The following SMTNL2 variants were observed in gnomAD, a reference collection of about 807,000 sequenced individuals.
SMTNL2 encodes smoothelin-like protein 2.
In SMTNL2, 43 loss-of-function variants were observed where a neutral mutation model predicts 44.1. That is an observed-to-expected ratio of 0.98 (90% confidence interval 0.76 to 1.26). The LOEUF (loss-of-function observed/expected upper bound fraction) is 1.26. Ranked by LOEUF, SMTNL2 falls within the 50% of genes most tolerant of loss-of-function variation. The pLI is 0.00. For synonymous variants in SMTNL2, 317 were observed against 287.6 expected (o/e 1.10, Z -1.03); for missense variants, 646 against 670.2 (o/e 0.96, Z 0.40).
intron 7 of SMTNL2, among the ~76,000 whole-genome samples, chr17:4,599,093 G>A (rs1397597331): frequency 6.6e-6 from 1 of 152,222 alleles, no homozygotes; most frequent in African/African-American, 2.4e-5. Context: ...CTCTCTCCGA[G>A]GGCAGAATCG....
intron 7 of SMTNL2, 114 bp downstream of exon 7, chr17:4,597,437 G>T: frequency 7.0e-7 from 1 of 1,431,804 alleles, no homozygotes. Flanking sequence ...CTGCAAAGCT[G>T]AAGGACCCTG....
At chr17:4,605,624 G>A (rs59832416) in intron 7 of SMTNL2, among the ~76,000 whole-genome samples, 87,302 of 151,908 alleles carry the variant, frequency 0.57, 26,637 homozygotes, top group African/African-American at 0.77. Context: ...TATATAGCTC[G>A]GAAGAGATGG....
rs1910337051 is a variant in SMTNL2, at chr17:4,607,677, TC to T, written c.*192del. Reference sequence around the variant, plus strand: ...GATTAAAAGTACTGCTGAGCTGTGGTCCGACAGCACTGATCACAGCCAAGGG... The same window carrying T: ...GATTAAAAGTACTGCTGAGCTGTGGTCGACAGCACTGATCACAGCCAAGGG... On this transcript the variant is annotated 3_prime_UTR_variant, in exon 8 of 8. Transcript: ENST00000389313. The surrounding 1 kb of genome is among the most constrained non-coding windows in gnomAD (Gnocchi z 4.7). 1.1e-6 allele frequency: 1 copy of T among 908,602 alleles called. No homozygotes were observed. The highest frequency in any genetic ancestry group is 3.1e-5 in the Admixed American group (1 of 32,650). The allele number at this position is 908,602 out of a possible 1,614,324, so 56.3% of individuals were successfully genotyped here.
At chr17:4,601,360 A>G (rs527907412) in intron 7 of SMTNL2, among the ~76,000 whole-genome samples, 1 of 152,236 alleles carries the variant, frequency 6.6e-6, no homozygotes, top group East Asian at 1.9e-4. Flanking sequence ...GATTGCAGTG[A>G]ACCCAGATGG....
Position 4,592,998 on chromosome 17 carries a change from T to C in SMTNL2, c.557T>C (p.Val186Ala). Reference protein sequence around the residue: ...SAPDPPRPRPVSLSLRLPHQP... With the variant: ...SAPDPPRPRPASLSLRLPHQP... ...CCAGATCCCCCCAGGCCTCGTCCTG[T>C]GAGCCTCTCCTTGCGGCTGCCCCAC... is the stretch of plus-strand genomic sequence containing the variant. The change falls in exon 3 of 8, where the codon GTG becomes GCG. Residue 186 changes from valine (V) to alanine (A), a missense_variant. Val to Ala is a moderately conservative substitution (Grantham distance 64, BLOSUM62 0). Coordinates refer to ENST00000389313, the MANE Select transcript of SMTNL2 (RefSeq NM_001114974.2). The surrounding 1 kb of genome is among the most constrained non-coding windows in gnomAD (Gnocchi z 4.5). 1.2e-6 allele frequency: 2 copies of C among 1,614,008 alleles called. No homozygotes were observed. Among genetic ancestry groups the C allele is most frequent in the Non-Finnish European group, 1.7e-6 (2 of 1,179,984 alleles).
At chr17:4,605,771 C>T (rs370189814) in intron 7 of SMTNL2, among the ~76,000 whole-genome samples, 253 of 152,252 alleles carry the variant, frequency 1.7e-3, no homozygotes, top group African/African-American at 5.5e-3. Flanking sequence ...ATCGTTTTTG[C>T]CTTTTTGGTT....
chr17:4,605,934 G>A (rs1910256182), intron 7 of SMTNL2, among the ~76,000 whole-genome samples: 1 of 152,172 alleles, frequency 6.6e-6, no homozygotes, highest in African/African-American at 2.4e-5. Context: ...GCAGGGCGAT[G>A]CGTCTTGACT....
rs959323990 is a variant in SMTNL2 at position 4,595,747 on chromosome 17, T to A, written c.989+420T>A. On this transcript the variant is annotated intron_variant, in intron 5 of 7. Coordinates refer to ENST00000389313, the MANE Select transcript of SMTNL2 (RefSeq NM_001114974.2). This position sits in a 1 kb window ranked among gnomAD's most constrained non-coding sequence, Gnocchi z 5.1. ...GCTGGGAGCCCCAGCATGGGGTTGG[T>A]CTTGCCCAAGGACCGAAGGTGATGC... Among the ~76,000 whole-genome samples, 4 of 152,212 alleles carry A rather than the reference T, an allele frequency of 2.6e-5. No homozygotes were observed. Among genetic ancestry groups the A allele is most frequent in the Non-Finnish European group, 2.9e-5 (2 of 68,036 alleles).
rs1257362430 is a variant in SMTNL2 at position 4,600,997 on chromosome 17, C to T, written c.1259+3674C>T. Among the ~76,000 whole-genome samples, 1 of 152,220 alleles carries T rather than the reference C, an allele frequency of 6.6e-6. No homozygotes were observed. Among genetic ancestry groups the T allele is most frequent in the Non-Finnish European group, 1.5e-5 (1 of 68,038 alleles). ...AACCCCCAAGCCCATCCTCCAGCTC[C>T]CTTACAGGACAGCCCTGTGGTAGCT... On this transcript the variant is annotated intron_variant, in intron 7 of 7. Transcript: ENST00000389313. The surrounding 1 kb of genome is among the most constrained non-coding windows in gnomAD (Gnocchi z 4.7).
Position 4,607,264 on chromosome 17 carries a change from T to G in SMTNL2, c.1260-97T>G. The G allele has an allele frequency of 2.4e-5, 38 of 1,569,934 alleles. No homozygotes were observed. The highest frequency in any genetic ancestry group is 3.0e-5 in the Non-Finnish European group (35 of 1,154,876). On this transcript the variant is annotated intron_variant, in intron 7 of 7. Transcript: ENST00000389313. This position sits in a 1 kb window ranked among gnomAD's most constrained non-coding sequence, Gnocchi z 4.7. ...TCCTTGGGAACCTCTGGCTGCCGGCTGAGCTCTGTTCCCGGGACCGAGACA... is the reference window on the plus strand; with the variant it reads ...TCCTTGGGAACCTCTGGCTGCCGGCGGAGCTCTGTTCCCGGGACCGAGACA...
rs1267186106 is a variant in SMTNL2 at position 4,607,039 on chromosome 17, C to T, written c.1260-322C>T. Among the ~76,000 whole-genome samples, 4 of 151,978 alleles carry T rather than the reference C, an allele frequency of 2.6e-5. No individual in the cohort carries two copies. Among genetic ancestry groups the T allele is most frequent in the African/African-American group, 9.7e-5 (4 of 41,378 alleles). ...GATCGAGGCTGCAATAAGCTAGGAT[C>T]GTGCCTCTGTACTCATGCCTGGGCA... On this transcript the variant is annotated intron_variant, in intron 7 of 7. Transcript: ENST00000389313. This position sits in a 1 kb window ranked among gnomAD's most constrained non-coding sequence, Gnocchi z 4.7.
intron 7 of SMTNL2, among the ~76,000 whole-genome samples, chr17:4,597,998 G>A (rs975270760): frequency 6.6e-6 from 1 of 152,128 alleles, no homozygotes; most frequent in African/African-American, 2.4e-5. Context: ...GTCAAGAACT[G>A]GGCGAGGAGA....
chr17:4,587,859 C>T (rs12937333), intron 1 of SMTNL2, among the ~76,000 whole-genome samples: 29,950 of 152,126 alleles, frequency 0.2, 3,028 homozygotes, highest in East Asian at 0.31. Context: ...AGCTTGGGGC[C>T]GGGGGTGGAT....
At chr17:4,591,534 C>T (rs1463115309) in intron 1 of SMTNL2, among the ~76,000 whole-genome samples, 1 of 152,248 alleles carries the variant, frequency 6.6e-6, no homozygotes, top group Non-Finnish European at 1.5e-5. Flanking sequence ...TCTGGCAGCA[C>T]CTACCGGGGA....
At position 4,592,205 on chromosome 17, in the gene SMTNL2, G is replaced by C; in HGVS notation, c.400-156G>C. The C allele has an allele frequency of 1.4e-6, 1 of 715,126 alleles. No homozygotes were observed. The highest frequency in any genetic ancestry group is 1.7e-5 in the South Asian group (1 of 59,994). 44.3% of individuals were successfully genotyped at this position (715,126 alleles called of 1,614,324 possible). ...GAGTGGGGCCATCCCAGCTTTTGCT[G>C]TGTGACTTGGCCCGTCACTTTCTTC... On this transcript the variant is annotated intron_variant, in intron 1 of 7. Transcript: ENST00000389313. The surrounding 1 kb of genome is among the most constrained non-coding windows in gnomAD (Gnocchi z 4.5).
chr17:4,606,066 G>A (rs1481997708), intron 7 of SMTNL2, among the ~76,000 whole-genome samples: 1 of 152,130 alleles, frequency 6.6e-6, no homozygotes, highest in African/African-American at 2.4e-5. Flanking sequence ...ATTTCCCAGG[G>A]CAGGAGGCAG....
At chr17:4,603,578 G>A (rs72835603) in intron 7 of SMTNL2, among the ~76,000 whole-genome samples, 18,967 of 152,044 alleles carry the variant, frequency 0.12, 1,549 homozygotes, top group Non-Finnish European at 0.18. Context: ...TGCTTCTGAC[G>A]GGGGTGTTTG....
intron 4 of SMTNL2, 116 bp downstream of exon 4, chr17:4,594,013 C>A (rs1020589653): frequency 9.1e-7 from 1 of 1,093,644 alleles, no homozygotes; most frequent in Non-Finnish European, 1.4e-6. Flanking sequence ...AGGCTCGGGG[C>A]TGGATCTCGG....
In SMTNL2 at chr17:4,584,965, C is replaced by G. The variant is rs1241977299; in HGVS notation, c.360C>G (p.Phe120Leu). 3 of 1,373,400 alleles carry G rather than the reference C, an allele frequency of 2.2e-6. No individual in the cohort carries two copies. The highest frequency in any genetic ancestry group is 2.8e-6 in the Non-Finnish European group (3 of 1,065,208). The allele number at this position is 1,373,400 out of a possible 1,614,324, so 85.1% of individuals were successfully genotyped here. ...CGCCCCGCCTGGGCAGCGCACGCTTCGCCAGCCACGCCACCTTCTCGCTGT... is the reference window on the plus strand; with the variant it reads ...CGCCCCGCCTGGGCAGCGCACGCTTGGCCAGCCACGCCACCTTCTCGCTGT... The part of the protein sequence containing the change: ...DRAPRLGSAR[F>L]ASHATFSLSG... The change falls in exon 1 of 8, where the codon TTC becomes TTG. Residue 120 changes from phenylalanine (F) to leucine (L), a missense_variant. Coordinates refer to ENST00000389313, the MANE Select transcript of SMTNL2 (RefSeq NM_001114974.2).
Sources: allele counts gnomAD v4.1 joint callset (sites outside exome capture counted in the v4.1 genomes callset), GRCh38; gene constraint gnomAD v4.1.1; non-coding constraint Gnocchi (gnomAD v3.1); transcripts MANE v1.5; gene names NCBI Gene and HGNC (gene_info 2026-07-23, HGNC 2026-07-21).